The following MAGI2 variants were observed in gnomAD, a reference collection of about 807,000 sequenced individuals.
MAGI2 encodes membrane associated guanylate kinase, WW and PDZ domain containing 2.
Under a neutral mutation model 133.3 loss-of-function variants are expected in MAGI2, and 35 were observed. The observed-to-expected ratio is 0.26, with a 90% CI of 0.20 to 0.35. MAGI2 has a LOEUF of 0.35. Ranked by LOEUF, MAGI2 falls within the 10% of genes least tolerant of loss-of-function variation. The pLI, the probability that MAGI2 is intolerant of heterozygous loss-of-function variation, is 1.00. For synonymous variants in MAGI2, 729 were observed against 710.6 expected, an observed-to-expected ratio of 1.03 and a Z score of -0.41; for missense variants, 1,636 against 1,863.4, an observed-to-expected ratio of 0.88 and a Z score of 2.25.
chr7:78,233,693 A>C (rs1354172009), intron 10 of MAGI2, among the ~76,000 whole-genome samples: 1 of 152,136 alleles, frequency 6.6e-6, no homozygotes, highest in Non-Finnish European at 1.5e-5. Flanking sequence ...TTATAGGCTA[A>C]AGGTAAGGTG....
intron 1 of MAGI2, among the ~76,000 whole-genome samples, chr7:79,051,250 C>G (rs942074254): frequency 2.0e-5 from 3 of 152,128 alleles, no homozygotes; most frequent in Admixed American, 6.6e-5. Flanking sequence ...CCAACCAAAG[C>G]CCAAGCCCTG....
chr7:79,171,763 TATATA>T (rs1428700912), intron 1 of MAGI2, among the ~76,000 whole-genome samples: 23 of 47,392 alleles, frequency 4.9e-4, no homozygotes, highest in African/African-American at 1.5e-3. Context: ...TATATATATA[TATATA>T]TATTTTTTTT....
chr7:79,287,607 C>A (rs1429139316), intron 1 of MAGI2, among the ~76,000 whole-genome samples: 1 of 152,096 alleles, frequency 6.6e-6, no homozygotes, highest in East Asian at 1.9e-4. Context: ...TGATACATAA[C>A]CTGTCTGAGC....
intron 1 of MAGI2, among the ~76,000 whole-genome samples, chr7:79,425,243 C>A (rs1397395860): frequency 3.1e-4 from 44 of 143,900 alleles, no homozygotes; most frequent in Non-Finnish European, 3.0e-4. Context: ...CAGAGCGAGA[C>A]TCCGTCTCAG....
At chr7:78,937,785 T>G (rs908011037) in intron 2 of MAGI2, among the ~76,000 whole-genome samples, 1 of 152,134 alleles carries the variant, frequency 6.6e-6, no homozygotes, top group African/African-American at 2.4e-5. Flanking sequence ...GGCAAGATAC[T>G]TAACTCCTCT....
chr7:79,158,712 G>A (rs1824058689), intron 1 of MAGI2, among the ~76,000 whole-genome samples: 1 of 151,904 alleles, frequency 6.6e-6, no homozygotes, highest in African/African-American at 2.4e-5. Context: ...GAAATTCACA[G>A]CTATAAAAAT....
At chr7:78,528,579 A>G (rs1797178558) in intron 3 of MAGI2, among the ~76,000 whole-genome samples, 1 of 152,210 alleles carries the variant, frequency 6.6e-6, no homozygotes, top group Admixed American at 6.5e-5. Context: ...AATATAACCC[A>G]GAAAATATTC....
chr7:78,941,311 A>G (rs760464208), intron 2 of MAGI2, among the ~76,000 whole-genome samples: 3 of 152,090 alleles, frequency 2.0e-5, no homozygotes, highest in Admixed American at 6.6e-5. Context: ...TTGCAACAAG[A>G]CACCTGCTCA....
intron 10 of MAGI2, among the ~76,000 whole-genome samples, chr7:78,232,878 C>T (rs1414208695): frequency 6.6e-6 from 1 of 152,180 alleles, no homozygotes; most frequent in East Asian, 1.9e-4. Context: ...CTCTGTGCTA[C>T]TAGGAGAATA....
intron 1 of MAGI2, among the ~76,000 whole-genome samples, chr7:79,323,664 C>T (rs1007690209): frequency 7.2e-5 from 11 of 152,080 alleles, no homozygotes; most frequent in Admixed American, 7.2e-4. Context: ...ATGATACAAA[C>T]TTTGCATTTT....
intron 2 of MAGI2, among the ~76,000 whole-genome samples, chr7:78,859,816 T>A (rs1057454077): frequency 1.3e-5 from 2 of 152,230 alleles, no homozygotes; most frequent in African/African-American, 2.4e-5. Flanking sequence ...TTCTCCTGGA[T>A]AGTATCCTGA....
At chr7:78,485,233 T>G (rs933316736) in intron 6 of MAGI2, 9 of 151,984 alleles carry the variant, frequency 5.9e-5, no homozygotes, top group African/African-American at 2.2e-4. Flanking sequence ...TAAAAAAGAC[T>G]ATATTGGCTT....
chr7:78,262,418 A>T (rs1793601716), intron 9 of MAGI2, among the ~76,000 whole-genome samples: 1 of 152,184 alleles, frequency 6.6e-6, no homozygotes, highest in Admixed American at 6.5e-5. Context: ...AAAACACTAG[A>T]TATTGCCTTC....
chr7:79,144,812 G>T (rs143999237), intron 1 of MAGI2, among the ~76,000 whole-genome samples: 1 of 152,246 alleles, frequency 6.6e-6, no homozygotes, highest in African/African-American at 2.4e-5. Flanking sequence ...ACAGTTTGCC[G>T]TTTAAAATTT....
intron 2 of MAGI2, among the ~76,000 whole-genome samples, chr7:78,854,285 A>T (rs1286129777): frequency 1.3e-5 from 2 of 152,140 alleles, no homozygotes; most frequent in African/African-American, 4.8e-5. Context: ...TAGGTCAGTT[A>T]ATAAAGTCTG....
chr7:79,071,179 T>C (rs1300706698), intron 1 of MAGI2, among the ~76,000 whole-genome samples: 3 of 152,220 alleles, frequency 2.0e-5, no homozygotes, highest in African/African-American at 4.8e-5. Context: ...TTCTGTTTGC[T>C]AGTTTTCCTT....
intron 16 of MAGI2, among the ~76,000 whole-genome samples, chr7:78,144,206 C>G (rs1045404395): frequency 1.3e-5 from 2 of 152,100 alleles, no homozygotes; most frequent in Non-Finnish European, 2.9e-5. Flanking sequence ...ATAAAAAATT[C>G]TAGTCTCTTG....
chr7:78,551,259 G>A (rs564173111), intron 3 of MAGI2, among the ~76,000 whole-genome samples: 87 of 152,154 alleles, frequency 5.7e-4, no homozygotes, highest in Non-Finnish European at 1.0e-3. Context: ...ACTTTAGTGG[G>A]TTGTTTAAAT....
intron 6 of MAGI2, among the ~76,000 whole-genome samples, chr7:78,424,123 T>C (rs912006242): frequency 6.6e-6 from 1 of 152,132 alleles, no homozygotes; most frequent in African/African-American, 2.4e-5. Flanking sequence ...GAAAATGGTT[T>C]TGTGGGCCAG....
Sources: gnomAD v4.1 joint callset for allele counts (sites outside exome capture counted in the v4.1 genomes callset) on GRCh38, gnomAD v4.1.1 for gene constraint, MANE v1.5 for transcripts, NCBI Gene and HGNC (gene_info 2026-07-23, HGNC 2026-07-21) for gene names.